The following ZEB1 variants were observed in gnomAD, a reference collection of about 807,000 sequenced individuals.
The protein encoded by ZEB1 is zinc finger E-box-binding homeobox 1.
Under a neutral mutation model 84.9 loss-of-function variants are expected in ZEB1, and 21 were observed. That is an observed-to-expected ratio of 0.25 (90% CI 0.18 to 0.36). The LOEUF (loss-of-function observed/expected upper bound fraction) is 0.36, where lower values mean the gene tolerates loss of function less well. Ranked by LOEUF, ZEB1 falls within the 10% of genes least tolerant of loss-of-function variation. The probability of loss-of-function intolerance (pLI) is 1.00; values close to 1 mark genes in which losing one functional copy is unlikely to be tolerated. For synonymous variants in ZEB1, 420 were observed against 471.1 expected (o/e 0.89, Z 1.41); for missense variants, 1,104 against 1,330.2 (o/e 0.83, Z 2.65).
At chr10:31,340,657 G>A (rs2039180641) in intron 1 of ZEB1, among the ~76,000 whole-genome samples, 1 of 152,106 alleles carries the variant, frequency 6.6e-6, no homozygotes, top group Non-Finnish European at 1.5e-5. Flanking sequence ...TCTATACTTA[G>A]GGAGTTCACA....
chr10:31,450,892 G>T (rs547258852), intron 1 of ZEB1, among the ~76,000 whole-genome samples: 1 of 151,826 alleles, frequency 6.6e-6, no homozygotes, highest in Non-Finnish European at 1.5e-5. Flanking sequence ...GTGTGTGTGC[G>T]TGCGTGCGCA....
chr10:31,401,329 C>T (rs576245561), intron 1 of ZEB1, among the ~76,000 whole-genome samples: 56 of 152,128 alleles, frequency 3.7e-4, no homozygotes, highest in Non-Finnish European at 5.1e-4. Context: ...TTACCTTGAA[C>T]AAACCCTGAT....
At chr10:31,385,675 T>A (rs891990547) in intron 1 of ZEB1, among the ~76,000 whole-genome samples, 2 of 151,922 alleles carry the variant, frequency 1.3e-5, no homozygotes, top group Non-Finnish European at 2.9e-5. Context: ...TTACAGGCGC[T>A]TGCCACCACA....
intron 7 of ZEB1, among the ~76,000 whole-genome samples, 154 bp downstream of exon 7, chr10:31,522,090 G>T (rs544088944): frequency 6.6e-6 from 1 of 152,048 alleles, no homozygotes; most frequent in African/African-American, 2.4e-5. Context: ...AACTTTTCTG[G>T]CATGATGTCT....
At chr10:31,478,223 A>G (rs1270554618) in intron 2 of ZEB1, among the ~76,000 whole-genome samples, 1 of 152,088 alleles carries the variant, frequency 6.6e-6, no homozygotes, top group Non-Finnish European at 1.5e-5. Flanking sequence ...TTAAAAGAAG[A>G]CATAAAGTTG....
intron 1 of ZEB1, among the ~76,000 whole-genome samples, chr10:31,411,602 G>T (rs1388347435): frequency 2.9e-5 from 4 of 137,896 alleles, no homozygotes; most frequent in Admixed American, 2.3e-4. Context: ...ACTGCAGTCC[G>T]CAGTCCGGCC....
rs1245824764 is a variant in ZEB1, at chr10:31,528,995, C to G, written c.*1731C>G. On this transcript the variant is annotated 3_prime_UTR_variant, in exon 9 of 9. Transcript: ENST00000424869. ...AAGAAATCAGCCTAACCATACAACT[C>G]TCATTTCCTTAGTAAGCCAAATTAG... 1.3e-5 allele frequency: 2 copies of G among 152,194 alleles called. No homozygotes were observed. The highest frequency in any genetic ancestry group is 2.4e-5 in the African/African-American group (1 of 41,442). 9.4% of individuals were successfully genotyped at this position (152,194 alleles called of 1,614,324 possible). A position where few individuals can be genotyped will look rare whatever the true frequency, so the allele number is the denominator to read the frequency against.
chr10:31,384,849 C>T (rs2048338438), intron 1 of ZEB1, among the ~76,000 whole-genome samples: 1 of 152,088 alleles, frequency 6.6e-6, no homozygotes, highest in South Asian at 2.1e-4. Context: ...ACTCAACCAG[C>T]TTAGTAGTCT....
intron 1 of ZEB1, among the ~76,000 whole-genome samples, chr10:31,446,657 C>T (rs1040259275): frequency 4.6e-5 from 7 of 152,192 alleles, no homozygotes; most frequent in Non-Finnish European, 8.8e-5. Flanking sequence ...TTTCTGCCTT[C>T]ATTTCGTTAG....
At chr10:31,503,835 G>C (rs772004921) in intron 4 of ZEB1, among the ~76,000 whole-genome samples, 7 of 151,738 alleles carry the variant, frequency 4.6e-5, no homozygotes, top group Non-Finnish European at 8.8e-5. Context: ...GCATTTTTTT[G>C]TATATCTGTG....
At chr10:31,361,280 C>T (rs1181797518) in intron 1 of ZEB1, 1 of 1,504,722 alleles carries the variant, frequency 6.6e-7, no homozygotes, top group East Asian at 2.3e-5. Flanking sequence ...GCAACCTCCA[C>T]TTCCCGGGTT....
chr10:31,368,345 T>G (rs926534936), intron 1 of ZEB1, among the ~76,000 whole-genome samples: 4 of 151,940 alleles, frequency 2.6e-5, no homozygotes, highest in Non-Finnish European at 5.9e-5. Flanking sequence ...TTTGTAGAGA[T>G]AGAGTTTCAT....
At chr10:31,448,707 C>A (rs1180887770) in intron 1 of ZEB1, among the ~76,000 whole-genome samples, 2 of 152,140 alleles carry the variant, frequency 1.3e-5, no homozygotes, top group East Asian at 3.9e-4. Context: ...TGGGGGGTGC[C>A]TCCCAGTTAG....
chr10:31,424,955 A>T (rs2056740925), intron 1 of ZEB1, among the ~76,000 whole-genome samples: 1 of 152,030 alleles, frequency 6.6e-6, no homozygotes, highest in Admixed American at 6.6e-5. Flanking sequence ...GTGGAGCATC[A>T]GCCTTCCATT....
At chr10:31,497,463 A>G (rs1291031401) in intron 3 of ZEB1, among the ~76,000 whole-genome samples, 2 of 152,148 alleles carry the variant, frequency 1.3e-5, no homozygotes, top group African/African-American at 4.8e-5. Context: ...CCCCACGTAC[A>G]CAATGATGAT....
At chr10:31,487,587 C>T (rs2138705497) in intron 2 of ZEB1, among the ~76,000 whole-genome samples, 1 of 151,238 alleles carries the variant, frequency 6.6e-6, no homozygotes, top group East Asian at 1.9e-4. Context: ...GTCTTGTTTT[C>T]TGCAAATAGG....
intron 1 of ZEB1, among the ~76,000 whole-genome samples, chr10:31,431,190 A>C (rs1242254884): frequency 6.6e-6 from 1 of 152,328 alleles, no homozygotes; most frequent in African/African-American, 2.4e-5. Flanking sequence ...TCTCTCACCT[A>C]GTTCCAGGTA....
At chr10:31,394,991 T>TAA (rs1240681963) in intron 1 of ZEB1, among the ~76,000 whole-genome samples, 1 of 152,168 alleles carries the variant, frequency 6.6e-6, no homozygotes, top group African/African-American at 2.4e-5. Flanking sequence ...GGGCAGGGGT[T>TAA]AATGGCAGTG....
intron 1 of ZEB1, among the ~76,000 whole-genome samples, chr10:31,331,029 T>C (rs1248509852): frequency 6.6e-6 from 1 of 151,692 alleles, no homozygotes; most frequent in Admixed American, 6.6e-5. Flanking sequence ...AGAAAAAGCA[T>C]TGAACTGGGA....
Sources: gnomAD v4.1 joint callset for allele counts (sites outside exome capture counted in the v4.1 genomes callset) on GRCh38, gnomAD v4.1.1 for gene constraint, MANE v1.5 for transcripts, NCBI Gene and HGNC (gene_info 2026-07-23, HGNC 2026-07-21) for gene names.